Variants in GPBP1 observed in about 807,000 individuals in gnomAD.
The protein encoded by GPBP1 is GC-rich promoter binding protein 1, also known as vasculin.
In GPBP1, 13 loss-of-function variants were observed where a neutral mutation model predicts 56.5. The ratio of observed to expected loss-of-function variants is 0.23; its 90% CI spans 0.15 to 0.37. The LOEUF is 0.37. GPBP1 is among the 10% of genes least tolerant of loss of function. GPBP1 has a pLI of 1.00. For missense variants in GPBP1, 477 were observed against 572.3 expected (o/e 0.83, Z 1.70); for synonymous variants, 204 against 188.9 (o/e 1.08, Z -0.66).
intron 3 of GPBP1, among the ~76,000 whole-genome samples, chr5:57,217,194 G>T (rs1755733216): frequency 6.6e-6 from 1 of 151,954 alleles, no homozygotes; most frequent in African/African-American, 2.4e-5. Context: ...ATAAAAAGTT[G>T]TAATACAATT....
intron 6 of GPBP1, among the ~76,000 whole-genome samples, chr5:57,241,766 G>A (rs529432476): frequency 6.6e-6 from 1 of 152,200 alleles, no homozygotes; most frequent in South Asian, 2.1e-4. Flanking sequence ...TTTTATATAG[G>A]TATTAAGGTC....
intron 2 of GPBP1, among the ~76,000 whole-genome samples, chr5:57,205,152 T>TC (rs1459018203): frequency 1.3e-5 from 2 of 152,208 alleles, no homozygotes; most frequent in East Asian, 1.9e-4. Flanking sequence ...TTGCTTTTTT[T>TC]CTCTATGAAT....
At chr5:57,232,403 A>C (rs867787084) in intron 5 of GPBP1, among the ~76,000 whole-genome samples, 1 of 152,228 alleles carries the variant, frequency 6.6e-6, no homozygotes, top group African/African-American at 2.4e-5. Context: ...GCTGTAATAA[A>C]GAAATCAACG....
intron 2 of GPBP1, among the ~76,000 whole-genome samples, chr5:57,205,363 A>G (rs924294938): frequency 2.0e-5 from 3 of 152,174 alleles, no homozygotes; most frequent in Non-Finnish European, 2.9e-5. Context: ...GCTACTGTGA[A>G]TAGTGCTGTT....
At chr5:57,259,375 G>GC (rs1741795841) in intron 10 of GPBP1, among the ~76,000 whole-genome samples, 1 of 152,354 alleles carries the variant, frequency 6.6e-6, no homozygotes, top group Non-Finnish European at 1.5e-5. Flanking sequence ...CTATTGTGTA[G>GC]CAGGTGCAAG....
chr5:57,192,177 A>G (rs1008162141), intron 2 of GPBP1, among the ~76,000 whole-genome samples: 4 of 152,202 alleles, frequency 2.6e-5, no homozygotes, highest in African/African-American at 9.7e-5. Flanking sequence ...TTTCTGGAAC[A>G]CTGGCTAGGT....
chr5:57,241,923 G>A (rs911105784), intron 6 of GPBP1, among the ~76,000 whole-genome samples: 13 of 152,168 alleles, frequency 8.5e-5, no homozygotes, highest in Non-Finnish European at 1.9e-4. Flanking sequence ...AGAATTTGTG[G>A]AGAAAATCTG....
chr5:57,192,753 C>CAAAAAA (rs70999061), intron 2 of GPBP1, among the ~76,000 whole-genome samples: 25 of 103,198 alleles, frequency 2.4e-4, no homozygotes, highest in African/African-American at 9.1e-4. Context: ...AACTCCGTCT[C>CAAAAAA]AAAAAAAAAA....
intron 3 of GPBP1, among the ~76,000 whole-genome samples, chr5:57,214,968 A>G (rs1055215546): frequency 3.2e-4 from 48 of 152,188 alleles, no homozygotes; most frequent in African/African-American, 1.4e-4. Context: ...AGCCTGTTCT[A>G]TTAGTTAACA....
At chr5:57,185,676 G>A (rs1754254074) in intron 2 of GPBP1, among the ~76,000 whole-genome samples, 1 of 152,020 alleles carries the variant, frequency 6.6e-6, no homozygotes. Context: ...TTTTGGTGAA[G>A]TGTCTGTTCA....
chr5:57,249,297 C>T (rs564450149), intron 8 of GPBP1, 112 bp from the exon 9 acceptor site: 42 of 776,714 alleles, frequency 5.4e-5, no homozygotes, highest in Middle Eastern at 6.3e-4. Flanking sequence ...ACATTATAAT[C>T]AATTTTATTT....
chr5:57,226,689 T>C (rs990218644), intron 3 of GPBP1, among the ~76,000 whole-genome samples: 5 of 148,906 alleles, frequency 3.4e-5, no homozygotes, highest in Non-Finnish European at 7.4e-5. Flanking sequence ...GTCACTGGGA[T>C]TACAGGTGTG....
intron 2 of GPBP1, among the ~76,000 whole-genome samples, chr5:57,212,728 G>A (rs1320517659): frequency 6.8e-6 from 1 of 146,732 alleles, no homozygotes; most frequent in African/African-American, 2.5e-5. Context: ...GGAGTGCAGT[G>A]GCTCTATTTC....
chr5:57,238,498 C>T lies in GPBP1; in HGVS notation c.478+2466C>T, dbSNP rs575743102. ...GCTTGAACCTGGGAGGCAGAGGTTGCGGTGAGCCGAGGTCGCACCATTGCA... is the reference window on the plus strand; with the variant it reads ...GCTTGAACCTGGGAGGCAGAGGTTGTGGTGAGCCGAGGTCGCACCATTGCA... On this transcript the variant is annotated intron_variant, in intron 6 of 11. Coordinates refer to ENST00000506184, the MANE Select transcript of GPBP1 (RefSeq NM_022913.4). 5.9e-5 allele frequency among the ~76,000 whole-genome samples: 9 copies of T among 152,116 alleles called. No individual in the cohort carries two copies. In the East Asian group the frequency reaches 7.7e-4, roughly 13 times the overall value.
chr5:57,248,044 A>G (rs1289107826), intron 8 of GPBP1, among the ~76,000 whole-genome samples: 1 of 152,162 alleles, frequency 6.6e-6, no homozygotes, highest in Non-Finnish European at 1.5e-5. Context: ...ACCTGGACCA[A>G]GAGTAATTTT....
chr5:57,225,489 C>T (rs1236426245), intron 3 of GPBP1, among the ~76,000 whole-genome samples: 2 of 43,388 alleles, frequency 4.6e-5, no homozygotes, highest in East Asian at 4.4e-3. Context: ...AAGATTCCTT[C>T]TCAAAAAAAA....
intron 10 of GPBP1, among the ~76,000 whole-genome samples, chr5:57,259,790 C>CT (rs1741811172): frequency 6.6e-6 from 1 of 151,984 alleles, no homozygotes; most frequent in African/African-American, 2.4e-5. Context: ...CATTTTTCTG[C>CT]TAAAGCTTTC....
At chr5:57,175,116 C>G (rs1022286085) in intron 1 of GPBP1, among the ~76,000 whole-genome samples, 13 of 152,208 alleles carry the variant, frequency 8.5e-5, no homozygotes, top group African/African-American at 3.1e-4. Context: ...GATTATGTGT[C>G]AATTTCATAG....
At chr5:57,216,828 T>C (rs1394743625) in intron 3 of GPBP1, among the ~76,000 whole-genome samples, 4 of 151,838 alleles carry the variant, frequency 2.6e-5, no homozygotes, top group Admixed American at 6.6e-5. Flanking sequence ...ACTTTCTCCT[T>C]ATGAACATTT....
Sources: gnomAD v4.1 joint callset for allele counts (sites outside exome capture counted in the v4.1 genomes callset) on GRCh38, gnomAD v4.1.1 for gene constraint, MANE v1.5 for transcripts, NCBI Gene and HGNC (gene_info 2026-07-23, HGNC 2026-07-21) for gene names.